Variants in CES3 observed in about 807,000 individuals in gnomAD.
CES3 encodes carboxylesterase 3.
A neutral mutation model predicts 57.6 loss-of-function variants in CES3; 49 were observed. The observed-to-expected ratio is 0.85, with a 90% CI of 0.68 to 1.08. The LOEUF (loss-of-function observed/expected upper bound fraction) is 1.08, where lower values mean the gene tolerates loss of function less well. CES3 is among the 50% of genes least tolerant of loss of function. The pLI, the probability that CES3 is intolerant of heterozygous loss-of-function variation, is 0.00. For synonymous variants in CES3, 266 were observed against 281.6 expected, an observed-to-expected ratio of 0.94 and a Z score of 0.55; for missense variants, 645 against 742.0, an observed-to-expected ratio of 0.87 and a Z score of 1.52.
In CES3 at chr16:66,974,556, C is replaced by A; in HGVS notation, c.*1507C>A. 2 of 159,554 alleles carry A rather than the reference C, an allele frequency of 1.3e-5. No individual in the cohort carries two copies. Among genetic ancestry groups the A allele is most frequent in the Non-Finnish European group, 1.4e-5 (1 of 72,604 alleles). The allele number at this position is 159,554 out of a possible 1,614,324, so 9.9% of individuals were successfully genotyped here. On this transcript the variant is annotated 3_prime_UTR_variant, in exon 13 of 13. Transcript: ENST00000303334. Reference sequence around the variant, plus strand: ...GCGGCCGGAGCCTCCCCAAGGAGCGCCGCCCCCTGCTCCACAGCGCCCAGT... The same window carrying A: ...GCGGCCGGAGCCTCCCCAAGGAGCGACGCCCCCTGCTCCACAGCGCCCAGT...
intron 10 of CES3, 84 bp from the exon 11 acceptor site, chr16:66,972,272 G>T: frequency 2.4e-6 from 3 of 1,273,834 alleles, no homozygotes; most frequent in Non-Finnish European, 3.2e-6. Flanking sequence ...CATGGAAATT[G>T]GTGTTATTAT....
rs149358201 is a variant in CES3, at chr16:66,973,244, G to C, written c.*195G>C. 5 of 590,518 alleles carry C rather than the reference G, an allele frequency of 8.5e-6. No individual in the cohort carries two copies. In the East Asian group the frequency reaches 1.4e-4, roughly 17 times the overall value. The allele number at this position is 590,518 out of a possible 1,614,324, so 36.6% of individuals were successfully genotyped here. ...CTCCCACCTCTGGGGCATTGTACAAGTTCTTCCCTCTCCCTGAAGTGCCTT... is the reference window on the plus strand; with the variant it reads ...CTCCCACCTCTGGGGCATTGTACAACTTCTTCCCTCTCCCTGAAGTGCCTT... On this transcript the variant is annotated 3_prime_UTR_variant, in exon 13 of 13. Transcript: ENST00000303334.
rs143236427 is a variant in CES3, at chr16:66,963,534, C to G, written c.331C>G (p.Leu111Val). ...GAGCATGAACAGCAGCAGATTTGTC[C>G]TCAACGGAAAACAGCAGATCTTCTC... ...VESMNSSRFV[L>V]NGKQQIFSVS... The change falls in exon 3 of 13, where the codon CTC (leucine) becomes GTC (valine). Residue 111 changes from leucine (L) to valine (V), a missense_variant. Physicochemically the swap from Leu to Val is conservative, Grantham distance 32. Coordinates refer to ENST00000303334, the MANE Select transcript of CES3 (RefSeq NM_024922.6). The surrounding 1 kb of genome is among the most constrained non-coding windows in gnomAD (Gnocchi z 4.9). The G allele has an allele frequency of 6.8e-6, 11 of 1,614,198 alleles. No individual in the cohort carries two copies. The South Asian group carries it at 9.9e-5, about 14-fold the overall frequency.
chr16:66,961,289 C>A lies in CES3; in HGVS notation c.-19C>A. Reference sequence around the variant, plus strand: ...TTATTCCACCTTCTGAAGCTTCTGTCGAACCAGTTGTAAGGAGAATGGAGA... The same window carrying A: ...TTATTCCACCTTCTGAAGCTTCTGTAGAACCAGTTGTAAGGAGAATGGAGA... On this transcript the variant is annotated 5_prime_UTR_variant, in exon 1 of 13. Transcript: ENST00000303334. 1 of 1,607,994 alleles carries A rather than the reference C, an allele frequency of 6.2e-7. No individual in the cohort carries two copies. The highest frequency in any genetic ancestry group is 1.7e-5 in the Admixed American group (1 of 59,842).
In CES3 at chr16:66,965,424, G is replaced by C. The variant is rs535683000; in HGVS notation, c.819+697G>C. Among the ~76,000 whole-genome samples, 6 of 152,332 alleles carry C rather than the reference G, an allele frequency of 3.9e-5. No individual in the cohort carries two copies. The East Asian group carries it at 9.6e-4, about 24-fold the overall frequency. Reference sequence around the variant, plus strand: ...ATGGAATAGGGATAGAGCCATCGGGGAGAGAGGGGGCAAATGTGAGCAGGA... The same window carrying C: ...ATGGAATAGGGATAGAGCCATCGGGCAGAGAGGGGGCAAATGTGAGCAGGA... On this transcript the variant is annotated intron_variant, in intron 6 of 12. Coordinates refer to ENST00000303334, the MANE Select transcript of CES3 (RefSeq NM_024922.6).
At chr16:66,962,480 T>C (rs1963664473) in intron 1 of CES3, among the ~76,000 whole-genome samples, 1 of 152,232 alleles carries the variant, frequency 6.6e-6, no homozygotes, top group Admixed American at 6.5e-5. Context: ...TGGTGCCAGC[T>C]GGGCATGATG....
chr16:66,963,820 G>A lies in CES3; in HGVS notation c.445G>A (p.Gly149Arg). ...TCTGCAGGTCATGGTATGGGTCCAT[G>A]GAGGCGCTCTGATAACTGGCGCTGC... ...SGRPVMVWVH[G>R]GALITGAATS... The change falls in exon 4 of 13, where the codon GGA becomes AGA. Residue 149 changes from glycine (G) to arginine (R), a missense_variant. Transcript: ENST00000303334. This position sits in a 1 kb window ranked among gnomAD's most constrained non-coding sequence, Gnocchi z 4.9. The A allele has an allele frequency of 1.2e-6, 2 of 1,614,140 alleles. No individual in the cohort carries two copies. Among genetic ancestry groups the A allele is most frequent in the Non-Finnish European group, 1.7e-6 (2 of 1,179,966 alleles).
Position 66,963,345 on chromosome 16 carries a change from C to T in CES3, c.249C>T (p.Pro83=). Reference sequence around the variant, plus strand: ...TCTCAGCCCCACACCCAGCACAGCCCTGGGAGGGTGTGCGGGATGCCAGCA... The same window carrying T: ...TCTCAGCCCCACACCCAGCACAGCCTTGGGAGGGTGTGCGGGATGCCAGCA... The part of the protein sequence containing the change: ...DRFSAPHPAQ[P]WEGVRDASTA... The change falls in exon 2 of 13, where the codon CCC becomes CCT. Residue 83 remains proline (P), a synonymous_variant. Coordinates refer to ENST00000303334, the MANE Select transcript of CES3 (RefSeq NM_024922.6). The surrounding 1 kb of genome is among the most constrained non-coding windows in gnomAD (Gnocchi z 4.9). 1.2e-6 allele frequency: 2 copies of T among 1,613,454 alleles called. No homozygotes were observed. The highest frequency in any genetic ancestry group is 1.7e-6 in the Non-Finnish European group (2 of 1,180,026).
chr16:66,967,494 C>T (rs2145536028), intron 8 of CES3: 1 of 985,494 alleles, frequency 1.0e-6, no homozygotes, highest in South Asian at 4.7e-5. Context: ...TGTGCCAGAG[C>T]AATTGACTAA....
At chr16:66,972,779 G>A in intron 12 of CES3, 33 bp downstream of exon 12, 1 of 1,614,140 alleles carries the variant, frequency 6.2e-7, no homozygotes, top group African/African-American at 1.3e-5. Flanking sequence ...CTCGCTTTGG[G>A]CCTGGGATGC....
intron 6 of CES3, 54 bp downstream of exon 6, chr16:66,964,781 G>A: frequency 6.9e-7 from 1 of 1,452,152 alleles, no homozygotes; most frequent in Non-Finnish European, 9.5e-7. Flanking sequence ...ACCCCACTCT[G>A]TGCTGGCCCT....
At chr16:66,971,442 G>GC in intron 10 of CES3, 123 bp downstream of exon 10, 3 of 916,208 alleles carry the variant, frequency 3.3e-6, no homozygotes, top group Admixed American at 2.5e-5. Context: ...ACACCCCACT[G>GC]CCCCCCACCA....
chr16:66,967,605 T>A, intron 8 of CES3: 1 of 985,412 alleles, frequency 1.0e-6, no homozygotes, highest in African/African-American at 1.7e-5. Flanking sequence ...GTGTCAGCAC[T>A]GTGCTTTCAT....
In CES3 at chr16:66,973,306, C is replaced by T. The variant is rs1317657483; in HGVS notation, c.*257C>T. 3 of 432,910 alleles carry T rather than the reference C, an allele frequency of 6.9e-6. No homozygotes were observed. The highest frequency in any genetic ancestry group is 2.0e-5 in the African/African-American group (1 of 50,422). 26.8% of individuals were successfully genotyped at this position (432,910 alleles called of 1,614,324 possible). A position where few individuals can be genotyped will look rare whatever the true frequency, so the allele number is the denominator to read the frequency against. Reference sequence around the variant, plus strand: ...TCGTGGTAGGTTCTAGCACATTCCTCTAGCTTCCTGGAGGACTCACTCCCC... The same window carrying T: ...TCGTGGTAGGTTCTAGCACATTCCTTTAGCTTCCTGGAGGACTCACTCCCC... On this transcript the variant is annotated 3_prime_UTR_variant, in exon 13 of 13. Transcript: ENST00000303334.
At chr16:66,964,082 C>A in intron 4 of CES3, 147 bp downstream of exon 4, 2 of 1,278,480 alleles carry the variant, frequency 1.6e-6, no homozygotes, top group Non-Finnish European at 2.1e-6. Context: ...ACCCCCCAAG[C>A]CTCCACCCTG....
intron 10 of CES3, 74 bp downstream of exon 10, chr16:66,971,393 G>A: frequency 6.6e-7 from 1 of 1,504,044 alleles, no homozygotes; most frequent in South Asian, 1.2e-5. Flanking sequence ...AGGTGACATG[G>A]CATGATAGGG....
At chr16:66,969,631 G>A in intron 8 of CES3, 48 bp from the exon 9 acceptor site, 1 of 1,568,420 alleles carries the variant, frequency 6.4e-7, no homozygotes, top group Admixed American at 1.7e-5. Context: ...GGGAGTCGGG[G>A]TGAGCCGGTG....
Position 66,966,275 on chromosome 16 carries a change from G to A in CES3, c.851G>A (p.Ser284Asn). The A allele has an allele frequency of 6.2e-7, 1 of 1,613,422 alleles. No homozygotes were observed. The highest frequency in any genetic ancestry group is 8.5e-7 in the Non-Finnish European group (1 of 1,179,878). Residue 284 changes from serine to asparagine, a missense_variant, in exon 7 of 13, where the codon AGC becomes AAC. Ser to Asn is a conservative substitution (Grantham distance 46). Transcript: ENST00000303334. ...KIANTLACSS[S>N]SPAEMVQCLQ... ...GCAAACACCTTGGCCTGCAGCTCCAGCTCCCCGGCTGAGATGGTGCAGTGC... is the reference window on the plus strand; with the variant it reads ...GCAAACACCTTGGCCTGCAGCTCCAACTCCCCGGCTGAGATGGTGCAGTGC...
At position 66,974,018 on chromosome 16, in the gene CES3, C is replaced by T. The variant is rs902595201; in HGVS notation, c.*969C>T. 1 of 152,454 alleles carries T rather than the reference C, an allele frequency of 6.6e-6. No homozygotes were observed. Among genetic ancestry groups the T allele is most frequent in the African/African-American group, 2.4e-5 (1 of 41,424 alleles). 9.4% of individuals were successfully genotyped at this position (152,454 alleles called of 1,614,324 possible). A position where few individuals can be genotyped will look rare whatever the true frequency, so the allele number is the denominator to read the frequency against. ...CATCTGGACCAGGGCATCCGTCGGG[C>T]TATTGTCACAGAGAAAAGAAGAGAC... On this transcript the variant is annotated 3_prime_UTR_variant, in exon 13 of 13. Coordinates refer to ENST00000303334, the MANE Select transcript of CES3 (RefSeq NM_024922.6).
Sources: gnomAD v4.1 joint callset for allele counts (sites outside exome capture counted in the v4.1 genomes callset) on GRCh38, gnomAD v4.1.1 for gene constraint, Gnocchi (gnomAD v3.1) non-coding constraint, MANE v1.5 for transcripts, NCBI Gene and HGNC (gene_info 2026-07-23, HGNC 2026-07-21) for gene names.